ATG4C: variants seen among roughly 807,000 people sequenced by gnomAD.
The protein encoded by ATG4C is autophagy related 4C cysteine peptidase.
In ATG4C, 56 loss-of-function variants were observed where a neutral mutation model predicts 57.6. The ratio of observed to expected loss-of-function variants is 0.97; its 90% CI spans 0.78 to 1.21. The LOEUF (loss-of-function observed/expected upper bound fraction) is 1.21. Among genes scored for constraint, ATG4C ranks in the 50% most tolerant of loss-of-function variants. ATG4C has a pLI of 0.00. For synonymous variants in ATG4C, 157 were observed against 174.1 expected, an observed-to-expected ratio of 0.90 and a Z score of 0.78; for missense variants, 595 against 529.8, an observed-to-expected ratio of 1.12 and a Z score of -1.21.
chr1:62,821,720 C>T (rs1357910915), intron 6 of ATG4C, among the ~76,000 whole-genome samples: 1 of 151,920 alleles, frequency 6.6e-6, no homozygotes, highest in Non-Finnish European at 1.5e-5. Flanking sequence ...TGTTTGAGAC[C>T]ACAAGTGTTT....
intron 2 of ATG4C, among the ~76,000 whole-genome samples, chr1:62,804,368 G>T (rs1369695423): frequency 6.6e-6 from 1 of 152,044 alleles, no homozygotes; most frequent in African/African-American, 2.4e-5. Context: ...GGGATTACAG[G>T]CGTGAGCCAC....
Position 62,796,187 on chromosome 1 carries a change from C to T in ATG4C, c.-68-7532C>T, listed in dbSNP as rs550122599. On this transcript the variant is annotated intron_variant, in intron 1 of 10. Transcript: ENST00000317868. ...TTTTTTTTTAACAAAAGCAGGCAAG[C>T]GGTTTCCTCATTTGTGTGGGTTTTT... Among the ~76,000 whole-genome samples, 158 of 129,410 alleles carry T rather than the reference C, an allele frequency of 1.2e-3. 1 individual carries two copies. In the South Asian group the frequency reaches 0.013, roughly 11 times the overall value. The allele number at this position is 129,410 out of a possible 152,430, so 84.9% of individuals were successfully genotyped here.
chr1:62,787,898 T>C (rs1466878002), intron 1 of ATG4C, among the ~76,000 whole-genome samples: 2 of 152,134 alleles, frequency 1.3e-5, no homozygotes, highest in Admixed American at 1.3e-4. Context: ...TCTTGACTCC[T>C]GTGACACCAT....
At chr1:62,807,319 C>A (rs1664914820) in intron 3 of ATG4C, among the ~76,000 whole-genome samples, 1 of 152,110 alleles carries the variant, frequency 6.6e-6, no homozygotes, top group African/African-American at 2.4e-5. Flanking sequence ...TAACAATTTG[C>A]TGAGTGATGG....
At chr1:62,813,915 A>G (rs1002737369) in intron 3 of ATG4C, among the ~76,000 whole-genome samples, 3 of 152,226 alleles carry the variant, frequency 2.0e-5, no homozygotes, top group Non-Finnish European at 2.9e-5. Context: ...CGCCAGTTAG[A>G]ATGGTGATCA....
chr1:62,805,157 T>C lies in ATG4C; in HGVS notation c.77-15T>C, dbSNP rs2100297781. On this transcript the variant is annotated splice_polypyrimidine_tract_variant and intron_variant, in intron 2 of 10. Transcript: ENST00000317868. Reference sequence around the variant, plus strand: ...ATTACAAAACGTTTTCTTTTCTTTTTTTTTTTTTTGCTAGGTTGGGTGTTG... The same window carrying C: ...ATTACAAAACGTTTTCTTTTCTTTTCTTTTTTTTTGCTAGGTTGGGTGTTG... 3 of 1,511,588 alleles carry C rather than the reference T, an allele frequency of 2.0e-6. No individual in the cohort carries two copies. The highest frequency in any genetic ancestry group is 1.3e-5 in the South Asian group (1 of 74,184). The allele number at this position is 1,511,588 out of a possible 1,614,324, so 93.6% of individuals were successfully genotyped here. A position where few individuals can be genotyped will look rare whatever the true frequency, so the allele number is the denominator to read the frequency against.
intron 10 of ATG4C, among the ~76,000 whole-genome samples, chr1:62,850,854 GTATATA>G (rs1161449502): frequency 0.054 from 4,539 of 83,642 alleles, 206 homozygotes; most frequent in East Asian, 0.12. Flanking sequence ...GTGTATGTAT[GTATATA>G]TATATATATA....
At chr1:62,794,617 A>G (rs1028282119) in intron 1 of ATG4C, among the ~76,000 whole-genome samples, 8 of 152,078 alleles carry the variant, frequency 5.3e-5, no homozygotes, top group African/African-American at 1.4e-4. Context: ...TCTTACTGCC[A>G]TCTACCTTGC....
chr1:62,818,899 C>T lies in ATG4C; in HGVS notation c.395-106C>T, dbSNP rs555794171. On this transcript the variant is annotated intron_variant, in intron 4 of 10. Transcript: ENST00000317868. ...ATGTATTTACCTATTTTTGAATTTACTGTCTTAGTAACCCAAATGACCTTA... is the reference window on the plus strand; with the variant it reads ...ATGTATTTACCTATTTTTGAATTTATTGTCTTAGTAACCCAAATGACCTTA... 8.6e-4 allele frequency: 754 copies of T among 871,866 alleles called. 5 individuals are homozygous for T. Among genetic ancestry groups the T allele is most frequent in the Admixed American group, 2.3e-3 (78 of 33,288 alleles). The allele number at this position is 871,866 out of a possible 1,614,324, so 54.0% of individuals were successfully genotyped here. A position where few individuals can be genotyped will look rare whatever the true frequency, so the allele number is the denominator to read the frequency against.
chr1:62,859,743 T>C (rs1480184334), intron 10 of ATG4C, among the ~76,000 whole-genome samples: 1 of 152,118 alleles, frequency 6.6e-6, no homozygotes, highest in Non-Finnish European at 1.5e-5. Flanking sequence ...GTCGCCAGGC[T>C]GGAGTGCAGT....
At chr1:62,815,864 T>C (rs1572122645) in intron 3 of ATG4C, among the ~76,000 whole-genome samples, 1 of 152,176 alleles carries the variant, frequency 6.6e-6, no homozygotes, top group African/African-American at 2.4e-5. Context: ...TTTGTATTTT[T>C]AGTAGAGATG....
chr1:62,841,580 G>T (rs752388887), intron 10 of ATG4C, 33 bp downstream of exon 10: 1 of 1,487,060 alleles, frequency 6.7e-7, no homozygotes, highest in East Asian at 2.5e-5. Flanking sequence ...ATTTGTAAAT[G>T]ACCTAATTTT....
At chr1:62,792,842 A>C (rs1664324995) in intron 1 of ATG4C, among the ~76,000 whole-genome samples, 1 of 151,472 alleles carries the variant, frequency 6.6e-6, no homozygotes, top group Admixed American at 6.6e-5. Context: ...GCTGGTTATT[A>C]GTGAGTCTGA....
chr1:62,795,614 T>G lies in ATG4C; in HGVS notation c.-68-8105T>G, dbSNP rs1034406519. Among the ~76,000 whole-genome samples, 9 of 152,188 alleles carry G rather than the reference T, an allele frequency of 5.9e-5. 1 individual carries two copies. Among genetic ancestry groups the G allele is most frequent in the Admixed American group, 5.9e-4 (9 of 15,286 alleles). On this transcript the variant is annotated intron_variant, in intron 1 of 10. Coordinates refer to ENST00000317868, the MANE Select transcript of ATG4C (RefSeq NM_032852.4). Reference sequence around the variant, plus strand: ...TGCACAGAAATATGAAGATGGCAGGTGATAAGGTTGTTGTAGTATGTGTTA... The same window carrying G: ...TGCACAGAAATATGAAGATGGCAGGGGATAAGGTTGTTGTAGTATGTGTTA...
intron 10 of ATG4C, among the ~76,000 whole-genome samples, chr1:62,862,012 A>G (rs1027208272): frequency 2.6e-5 from 4 of 152,188 alleles, no homozygotes; most frequent in African/African-American, 9.6e-5. Context: ...AGCTGCTATT[A>G]TAAACATCCA....
chr1:62,817,530 A>G (rs1665320244), intron 4 of ATG4C, among the ~76,000 whole-genome samples: 1 of 152,020 alleles, frequency 6.6e-6, no homozygotes. Context: ...ATTTTTTTGT[A>G]GAGATGTGGT....
intron 6 of ATG4C, among the ~76,000 whole-genome samples, 155 bp downstream of exon 6, chr1:62,821,364 T>C (rs570466673): frequency 9.9e-5 from 15 of 152,238 alleles, no homozygotes; most frequent in African/African-American, 3.4e-4. Flanking sequence ...AATAAAAATA[T>C]TTTTTGATTG....
chr1:62,823,651 T>A (rs1039779846), intron 6 of ATG4C, among the ~76,000 whole-genome samples: 2 of 152,208 alleles, frequency 1.3e-5, no homozygotes, highest in African/African-American at 4.8e-5. Context: ...AATGAAGTCC[T>A]TTATAATTTG....
At chr1:62,830,773 C>A (rs1040660526) in intron 7 of ATG4C, among the ~76,000 whole-genome samples, 12 of 152,016 alleles carry the variant, frequency 7.9e-5, no homozygotes, top group African/African-American at 2.9e-4. Flanking sequence ...CAAATTAGGA[C>A]TTTTCTTTTT....
Sources: gnomAD v4.1 joint callset for allele counts (sites outside exome capture counted in the v4.1 genomes callset) on GRCh38, gnomAD v4.1.1 for gene constraint, MANE v1.5 for transcripts, NCBI Gene and HGNC (gene_info 2026-07-23, HGNC 2026-07-21) for gene names.